Variants in CEP112 observed in about 807,000 individuals in gnomAD.
CEP112 encodes the protein centrosomal protein 112, also known as centrosomal protein of 112 kDa.
Under a neutral mutation model 153.0 loss-of-function variants are expected in CEP112, and 127 were observed. The observed-to-expected ratio is 0.83, with a 90% CI of 0.72 to 0.96. The LOEUF (loss-of-function observed/expected upper bound fraction) is 0.96, where lower values mean the gene tolerates loss of function less well. Ranked by LOEUF, CEP112 falls within the 40% of genes least tolerant of loss-of-function variation. The pLI, the probability that CEP112 is intolerant of heterozygous loss-of-function variation, is 0.00. For missense variants in CEP112, 1,089 were observed against 1,101.2 expected (o/e 0.99, Z 0.16); for synonymous variants, 358 against 374.4 (o/e 0.96, Z 0.51).
chr17:65,886,108 G>T (rs1009882355), intron 20 of CEP112, among the ~76,000 whole-genome samples: 2 of 152,134 alleles, frequency 1.3e-5, no homozygotes, highest in Non-Finnish European at 2.9e-5. Context: ...CCCGCCTTTG[G>T]TTCCACATCA....
intron 4 of CEP112, among the ~76,000 whole-genome samples, chr17:66,154,378 G>C (rs374641160): frequency 1.2e-4 from 18 of 150,546 alleles, no homozygotes; most frequent in East Asian, 1.2e-3. Flanking sequence ...AGCTGGGTGT[G>C]GGGGGGGGAG....
At chr17:65,796,869 CAAAAAAAA>C (rs1220753944) in intron 21 of CEP112, among the ~76,000 whole-genome samples, 3 of 40,578 alleles carry the variant, frequency 7.4e-5, no homozygotes. Flanking sequence ...CCCATCTCTA[CAAAAAAAA>C]AAAAAAAAAA....
intron 21 of CEP112, among the ~76,000 whole-genome samples, chr17:65,782,632 A>G (rs2054061795): frequency 6.6e-6 from 1 of 152,242 alleles, no homozygotes; most frequent in African/African-American, 2.4e-5. Flanking sequence ...AATGTGGTAC[A>G]TATATACCAT....
At chr17:65,918,922 G>C (rs1227677470) in intron 19 of CEP112, among the ~76,000 whole-genome samples, 2 of 152,136 alleles carry the variant, frequency 1.3e-5, no homozygotes, top group Non-Finnish European at 2.9e-5. Flanking sequence ...TGTAAGAGAG[G>C]GGCTCAAAAA....
At chr17:65,722,065 C>T (rs957471646) in intron 23 of CEP112, among the ~76,000 whole-genome samples, 4 of 152,084 alleles carry the variant, frequency 2.6e-5, no homozygotes, top group Middle Eastern at 3.2e-3. Flanking sequence ...CATTTTCTTG[C>T]GCATTTGACT....
chr17:65,821,902 A>T (rs894915246), intron 21 of CEP112, among the ~76,000 whole-genome samples: 3 of 152,024 alleles, frequency 2.0e-5, no homozygotes, highest in African/African-American at 7.2e-5. Flanking sequence ...TTCACTAAGA[A>T]GGTATCACAA....
chr17:65,743,474 C>T (rs1044179394), intron 22 of CEP112, among the ~76,000 whole-genome samples: 4 of 152,166 alleles, frequency 2.6e-5, no homozygotes, highest in Non-Finnish European at 4.4e-5. Flanking sequence ...ACAATATTTA[C>T]TCATCAGAAG....
chr17:65,880,138 T>C (rs2059009326), intron 20 of CEP112, among the ~76,000 whole-genome samples: 1 of 152,208 alleles, frequency 6.6e-6, no homozygotes, highest in South Asian at 2.1e-4. Flanking sequence ...TACTCATGTA[T>C]AAAAATACAG....
chr17:66,171,412 T>A (rs1178544093), intron 4 of CEP112, among the ~76,000 whole-genome samples: 1 of 152,200 alleles, frequency 6.6e-6, no homozygotes, highest in Non-Finnish European at 1.5e-5. Flanking sequence ...AACAATAAAT[T>A]ATTCACCATA....
intron 17 of CEP112, among the ~76,000 whole-genome samples, chr17:65,969,865 C>G (rs1345080890): frequency 1.3e-5 from 2 of 152,174 alleles, no homozygotes; most frequent in Admixed American, 1.3e-4. Flanking sequence ...ATGCAAATTA[C>G]ATGTGCATTA....
At chr17:65,636,936 T>C (rs887225376) in intron 26 of CEP112, 188 bp downstream of exon 26, 4 of 589,284 alleles carry the variant, frequency 6.8e-6, no homozygotes, top group Non-Finnish European at 9.0e-6. Flanking sequence ...GTTTTGATAG[T>C]ACAGACTAAG....
At chr17:65,856,508 C>T (rs996053947) in intron 20 of CEP112, among the ~76,000 whole-genome samples, 17 of 152,048 alleles carry the variant, frequency 1.1e-4, no homozygotes, top group Admixed American at 1.0e-3. Flanking sequence ...TGTTATTGTG[C>T]GTTTCTATCC....
intron 20 of CEP112, among the ~76,000 whole-genome samples, chr17:65,893,818 A>G (rs2059563765): frequency 6.6e-6 from 1 of 152,138 alleles, no homozygotes; most frequent in South Asian, 2.1e-4. Flanking sequence ...GGTGTTAAAT[A>G]TCTTTCATAT....
intron 19 of CEP112, among the ~76,000 whole-genome samples, chr17:65,918,110 G>A (rs1394754089): frequency 3.3e-5 from 5 of 150,970 alleles, no homozygotes; most frequent in African/African-American, 4.9e-5. Context: ...AACCTGGGAG[G>A]TGGAGGTTGC....
intron 12 of CEP112, among the ~76,000 whole-genome samples, chr17:66,046,676 A>G (rs2066223376): frequency 6.6e-6 from 1 of 152,196 alleles, no homozygotes; most frequent in Non-Finnish European, 1.5e-5. Context: ...GGTTGGAAAT[A>G]GTGTCTTTGC....
At chr17:66,028,784 T>G (rs898237217) in intron 14 of CEP112, among the ~76,000 whole-genome samples, 7 of 151,924 alleles carry the variant, frequency 4.6e-5, no homozygotes, top group African/African-American at 9.7e-5. Context: ...AACCAAGATT[T>G]CAAAACAATA....
At chr17:65,882,879 G>A (rs1011908848) in intron 20 of CEP112, among the ~76,000 whole-genome samples, 16 of 152,128 alleles carry the variant, frequency 1.1e-4, no homozygotes, top group African/African-American at 2.7e-4. Context: ...ACAGCAAGCC[G>A]TGAGCCTCCT....
intron 19 of CEP112, among the ~76,000 whole-genome samples, chr17:65,915,702 C>T (rs1598996966): frequency 6.7e-6 from 1 of 149,274 alleles, no homozygotes; most frequent in Non-Finnish European, 1.5e-5. Context: ...GCAGGAAAAT[C>T]GCTTGAACCC....
chr17:65,830,198 T>A (rs894938494), intron 21 of CEP112, among the ~76,000 whole-genome samples: 3 of 152,066 alleles, frequency 2.0e-5, no homozygotes, highest in Non-Finnish European at 4.4e-5. Context: ...CCAAAAAATA[T>A]AACTAAAAAC....
Sources: allele counts gnomAD v4.1 joint callset (sites outside exome capture counted in the v4.1 genomes callset), GRCh38; gene constraint gnomAD v4.1.1; transcripts MANE v1.5; gene names NCBI Gene and HGNC (gene_info 2026-07-23, HGNC 2026-07-21).